Variants in PARD3 observed in about 807,000 individuals in gnomAD.
The protein encoded by PARD3 is partitioning defective 3 homolog.
A neutral mutation model predicts 155.4 loss-of-function variants in PARD3; 75 were observed. The observed-to-expected ratio is 0.48, with a 90% CI of 0.40 to 0.58. PARD3 has a LOEUF of 0.58. Ranked by LOEUF, PARD3 falls within the 20% of genes least tolerant of loss-of-function variation. The pLI, the probability that PARD3 is intolerant of heterozygous loss-of-function variation, is 0.00. For missense variants in PARD3, 1,642 were observed against 1,721.7 expected (o/e 0.95, Z 0.82); for synonymous variants, 576 against 610.5 (o/e 0.94, Z 0.83).
intron 22 of PARD3, among the ~76,000 whole-genome samples, chr10:34,153,536 A>C (rs1441540717): frequency 2.6e-5 from 4 of 152,204 alleles, no homozygotes; most frequent in African/African-American, 9.6e-5. Flanking sequence ...ATTATCATAA[A>C]CAACAAAAAG....
At chr10:34,346,566 C>CAAAA (rs1411334411) in intron 15 of PARD3, 2 of 1,198,794 alleles carry the variant, frequency 1.7e-6, no homozygotes, top group African/African-American at 3.2e-5. Context: ...AATAATTTAA[C>CAAAA]AAAGATAAAG....
intron 22 of PARD3, among the ~76,000 whole-genome samples, chr10:34,155,115 C>T (rs1948945271): frequency 6.6e-6 from 1 of 152,122 alleles, no homozygotes; most frequent in Non-Finnish European, 1.5e-5. Flanking sequence ...CCATAGGTTC[C>T]CTAAATTTGG....
chr10:34,389,364 A>G (rs946268105), intron 7 of PARD3, among the ~76,000 whole-genome samples: 7 of 151,976 alleles, frequency 4.6e-5, no homozygotes, highest in African/African-American at 1.4e-4. Flanking sequence ...CTTAGATTAT[A>G]TTAAGGATTG....
chr10:34,737,400 G>A (rs1043761490), intron 1 of PARD3, among the ~76,000 whole-genome samples: 4 of 152,262 alleles, frequency 2.6e-5, no homozygotes, highest in East Asian at 1.9e-4. Flanking sequence ...GAAGTGGTGC[G>A]GTTACCTCCA....
chr10:34,253,960 G>T (rs1466254731), intron 22 of PARD3, among the ~76,000 whole-genome samples: 4 of 152,124 alleles, frequency 2.6e-5, no homozygotes, highest in Non-Finnish European at 5.9e-5. Context: ...TGGATGATGA[G>T]AAGTTACTCG....
intron 22 of PARD3, among the ~76,000 whole-genome samples, chr10:34,252,938 G>A (rs552326189): frequency 1.3e-5 from 2 of 152,294 alleles, no homozygotes; most frequent in South Asian, 2.1e-4. Flanking sequence ...TGGGTAGGAT[G>A]TAGGAAACTG....
chr10:34,205,723 A>ACCTCCTGCACTT (rs1382856470), intron 22 of PARD3, among the ~76,000 whole-genome samples: 2 of 152,256 alleles, frequency 1.3e-5, no homozygotes, highest in East Asian at 3.9e-4. Context: ...GCAGGGACTC[A>ACCTCCTGCACTT]CCTCCTGCAC....
rs566394201 is a variant in PARD3, at chr10:34,368,892, AATG to A, written c.1707+3603_1707+3605del. Among the ~76,000 whole-genome samples, 269 of 151,754 alleles carry A rather than the reference AATG, an allele frequency of 1.8e-3. 2 individuals are homozygous for A. Among genetic ancestry groups the A allele is most frequent in the Admixed American group, 0.014 (210 of 15,224 alleles). ...AAGATCTCTTCCCACTATCTTGACT[AATG>A]AGATGGCATCTAACCCTGGATTTCT... On this transcript the variant is annotated intron_variant, in intron 12 of 24. Coordinates refer to ENST00000374788, the MANE Select transcript of PARD3 (RefSeq NM_001184785.2).
At chr10:34,807,918 G>C (rs1447100712) in intron 1 of PARD3, among the ~76,000 whole-genome samples, 7 of 152,180 alleles carry the variant, frequency 4.6e-5, no homozygotes, top group African/African-American at 9.7e-5. Flanking sequence ...CAGGCCAGAT[G>C]CAAGAAGGCA....
chr10:34,805,101 T>C (rs1260400317), intron 1 of PARD3, among the ~76,000 whole-genome samples: 1 of 152,216 alleles, frequency 6.6e-6, no homozygotes, highest in Non-Finnish European at 1.5e-5. Context: ...CTCACGCCTG[T>C]AATCCCAGCA....
intron 13 of PARD3, 81 bp downstream of exon 13, chr10:34,359,990 T>C: frequency 9.6e-7 from 1 of 1,039,794 alleles, no homozygotes; most frequent in Non-Finnish European, 1.5e-6. Context: ...TTCTGTTAAC[T>C]GTATATGTTT....
chr10:34,619,057 C>CTTTT (rs1378531714), intron 2 of PARD3, among the ~76,000 whole-genome samples: 1 of 131,904 alleles, frequency 7.6e-6, no homozygotes, highest in Non-Finnish European at 1.7e-5. Context: ...TTTTTTTTTT[C>CTTTT]TTTTTTTTTT....
At chr10:34,309,547 C>CAAAAAAAAAAAA (rs1323865538) in intron 20 of PARD3, among the ~76,000 whole-genome samples, 7 of 46,628 alleles carry the variant, frequency 1.5e-4, no homozygotes, top group Admixed American at 1.5e-3. Context: ...GACCCTGTCT[C>CAAAAAAAAAAAA]CAAAAAAAAA....
At chr10:34,693,587 A>G (rs118050971) in intron 2 of PARD3, among the ~76,000 whole-genome samples, 237 of 152,344 alleles carry the variant, frequency 1.6e-3, no homozygotes, top group Non-Finnish European at 2.8e-3. Flanking sequence ...GAGAGGATCA[A>G]AAAATTAGCC....
At chr10:34,702,348 G>A (rs558944070) in intron 1 of PARD3, among the ~76,000 whole-genome samples, 12 of 151,804 alleles carry the variant, frequency 7.9e-5, no homozygotes, top group Non-Finnish European at 1.8e-4. Flanking sequence ...GTAAGACCGT[G>A]TCTCAGAAAA....
rs373547320 is a variant in PARD3, at chr10:34,554,268, T to G, written c.223-37109A>C. Among the ~76,000 whole-genome samples, 5 of 152,226 alleles carry G rather than the reference T, an allele frequency of 3.3e-5. No homozygotes were observed. The East Asian group carries it at 7.7e-4, about 23-fold the overall frequency. On this transcript the variant is annotated intron_variant, in intron 2 of 24. Coordinates refer to ENST00000374788, the MANE Select transcript of PARD3 (RefSeq NM_001184785.2). Reference sequence around the variant, plus strand: ...AAAAATGTAACATGTAGATCCTGTTTAAAATTCAGTAAATGCCAATTATTA... The same window carrying G: ...AAAAATGTAACATGTAGATCCTGTTGAAAATTCAGTAAATGCCAATTATTA...
intron 22 of PARD3, among the ~76,000 whole-genome samples, chr10:34,190,891 T>C (rs1000083885): frequency 6.6e-6 from 1 of 151,828 alleles, no homozygotes; most frequent in Non-Finnish European, 1.5e-5. Flanking sequence ...AAAATATAAA[T>C]GGCAGCATGG....
chr10:34,432,144 T>C (rs2075967191), intron 5 of PARD3, among the ~76,000 whole-genome samples: 1 of 151,512 alleles, frequency 6.6e-6, no homozygotes, highest in African/African-American at 2.4e-5. Flanking sequence ...AGGGAGTGTT[T>C]TGCATGCTTT....
chr10:34,238,401 T>A (rs1953370952), intron 22 of PARD3, among the ~76,000 whole-genome samples: 1 of 152,206 alleles, frequency 6.6e-6, no homozygotes, highest in Non-Finnish European at 1.5e-5. Flanking sequence ...GAATTTTTAA[T>A]ACATTAATAA....
Sources: gnomAD v4.1 joint callset for allele counts (sites outside exome capture counted in the v4.1 genomes callset) on GRCh38, gnomAD v4.1.1 for gene constraint, MANE v1.5 for transcripts, NCBI Gene and HGNC (gene_info 2026-07-23, HGNC 2026-07-21) for gene names.